ADCY5: variants seen among roughly 807,000 people sequenced by gnomAD.
ADCY5 encodes the protein adenylate cyclase 5.
A neutral mutation model predicts 119.7 loss-of-function variants in ADCY5; 30 were observed. That is an observed-to-expected ratio of 0.25 (90% CI 0.19 to 0.34). The LOEUF (loss-of-function observed/expected upper bound fraction) is 0.34, where lower values mean the gene tolerates loss of function less well. Ranked by LOEUF, ADCY5 falls within the 10% of genes least tolerant of loss-of-function variation. The pLI is 1.00. For synonymous variants in ADCY5, 753 were observed against 762.2 expected (o/e 0.99, Z 0.20); for missense variants, 1,324 against 1,775.2 (o/e 0.75, Z 4.57).
chr3:123,284,402 G>C lies in ADCY5; in HGVS notation c.*206C>G. The C allele has an allele frequency of 1.5e-6, 1 of 682,182 alleles. No homozygotes were observed. The highest frequency in any genetic ancestry group is 2.4e-6 in the Non-Finnish European group (1 of 416,990). 42.3% of individuals were successfully genotyped at this position (682,182 alleles called of 1,614,324 possible). ...GGGAAACATCTTTGGTCAGCTGGGT[G>C]CTCGCAGGACGCTGGCACCCCGGGG... On this transcript the variant is annotated 3_prime_UTR_variant, in exon 21 of 21. Coordinates refer to ENST00000462833, the MANE Select transcript of ADCY5 (RefSeq NM_183357.3).
chr3:123,425,372 A>T (rs766635720), intron 1 of ADCY5, among the ~76,000 whole-genome samples: 8 of 152,168 alleles, frequency 5.3e-5, no homozygotes, highest in Non-Finnish European at 1.2e-4. Flanking sequence ...TTGATGTCTC[A>T]GGTCTTCGCC....
chr3:123,425,626 G>T (rs1945390013), intron 1 of ADCY5, among the ~76,000 whole-genome samples: 1 of 152,176 alleles, frequency 6.6e-6, no homozygotes, highest in African/African-American at 2.4e-5. Context: ...CCCCAGAAGG[G>T]ATGCTGGTCA....
At chr3:123,330,178 C>T (rs1321628241) in intron 5 of ADCY5, among the ~76,000 whole-genome samples, 1 of 152,216 alleles carries the variant, frequency 6.6e-6, no homozygotes, top group Admixed American at 6.5e-5. Flanking sequence ...GCCAAACCAA[C>T]GGACCCGGCT....
At chr3:123,405,439 G>T (rs547727787) in intron 1 of ADCY5, among the ~76,000 whole-genome samples, 3 of 152,228 alleles carry the variant, frequency 2.0e-5, no homozygotes, top group Admixed American at 6.5e-5. Flanking sequence ...GCACAGAGAG[G>T]ACTGAACACC....
chr3:123,345,757 G>GACAC (rs1231817435), intron 3 of ADCY5, among the ~76,000 whole-genome samples: 1,136 of 60,992 alleles, frequency 0.019, 17 homozygotes, highest in East Asian at 0.079. Flanking sequence ...CAGACAGACA[G>GACAC]ACAGACAGAC....
rs755731708 is a variant in ADCY5 at position 123,447,941 on chromosome 3, A to C, written c.605T>G (p.Val202Gly). 1.6e-5 allele frequency: 25 copies of C among 1,572,240 alleles called. No individual in the cohort carries two copies. The highest frequency in any genetic ancestry group is 9.2e-5 in the South Asian group (8 of 86,736). Residue 202 changes from valine to glycine, a missense_variant, in exon 1 of 21, where the codon GTG becomes GGG. Physicochemically the swap from Val to Gly is moderately radical, Grantham distance 109. Around this residue, in one of 6 missense-constraint regions of ADCY5, gnomAD observed 585 missense variants for 569.9 expected, o/e 1.03. Coordinates refer to ENST00000462833, the MANE Select transcript of ADCY5 (RefSeq NM_183357.3). ...DSGSGAGPGA[V>G]LSLGACCLAL... is the part of the protein sequence containing the mutation. ...CAGGCAGCAGGCGCCCAGGGACAGC[A>C]CCGCGCCGGGCCCCGCGCCCGAGCC... is the stretch of plus-strand genomic sequence containing the variant.
chr3:123,377,855 G>A (rs1384090748), intron 1 of ADCY5, among the ~76,000 whole-genome samples: 3 of 151,026 alleles, frequency 2.0e-5, no homozygotes, highest in East Asian at 1.9e-4. Context: ...ACTTGAACCC[G>A]GGAGGCGGAG....
chr3:123,358,834 T>C (rs1247452079), intron 1 of ADCY5, among the ~76,000 whole-genome samples: 1 of 152,190 alleles, frequency 6.6e-6, no homozygotes, highest in Non-Finnish European at 1.5e-5. Flanking sequence ...GCAGGTTTGA[T>C]TTGAGCCAAG....
At chr3:123,304,417 C>A (rs776926005) in intron 12 of ADCY5, among the ~76,000 whole-genome samples, 1 of 152,082 alleles carries the variant, frequency 6.6e-6, no homozygotes, top group South Asian at 2.1e-4. Context: ...AGCGGGACTA[C>A]GTGGGGAACC....
At chr3:123,422,907 G>A (rs766769833) in intron 1 of ADCY5, among the ~76,000 whole-genome samples, 1 of 152,214 alleles carries the variant, frequency 6.6e-6, no homozygotes, top group Admixed American at 6.5e-5. Context: ...GATACCACCC[G>A]ATAGGAGCGA....
At chr3:123,440,224 C>T in intron 1 of ADCY5, among the ~76,000 whole-genome samples, 1 of 152,174 alleles carries the variant, frequency 6.6e-6, no homozygotes, top group South Asian at 2.1e-4. Context: ...CTCCAAAAGA[C>T]AAGGTGGGAC....
At chr3:123,414,900 A>G (rs1945149865) in intron 1 of ADCY5, among the ~76,000 whole-genome samples, 1 of 152,184 alleles carries the variant, frequency 6.6e-6, no homozygotes, top group Admixed American at 6.5e-5. Context: ...GGATCGACAG[A>G]TGAGGAAACT....
rs150649521 is a variant in ADCY5 at position 123,329,536 on chromosome 3, G to A, written c.1647-734C>T. 3.9e-5 allele frequency among the ~76,000 whole-genome samples: 6 copies of A among 152,320 alleles called. No individual in the cohort carries two copies. The East Asian group carries it at 1.2e-3, about 29-fold the overall frequency. On this transcript the variant is annotated intron_variant, in intron 5 of 20. Transcript: ENST00000462833. ...GCCATACATCTCCAGGTGCATGTCT[G>A]AGGCCCATGGGAACCTGCCCAGCAT...
intron 1 of ADCY5, among the ~76,000 whole-genome samples, chr3:123,415,269 G>A (rs929216390): frequency 6.6e-6 from 1 of 152,210 alleles, no homozygotes; most frequent in Admixed American, 6.5e-5. Context: ...GGGGACCAGG[G>A]GACAGGGTGG....
intron 8 of ADCY5, among the ~76,000 whole-genome samples, chr3:123,324,404 CCACACACACACACACACA>C (rs10522987): frequency 0.012 from 1,287 of 109,688 alleles, 14 homozygotes; most frequent in African/African-American, 0.017. Flanking sequence ...CACACAGAAA[CCACACACACACACACACA>C]CACACACACA....
chr3:123,423,690 G>C (rs537508888), intron 1 of ADCY5, among the ~76,000 whole-genome samples: 32 of 152,338 alleles, frequency 2.1e-4, no homozygotes, highest in African/African-American at 7.5e-4. Flanking sequence ...GGCCCCAGAG[G>C]ACAGGGCCCG....
chr3:123,287,408 TCTC>T (rs990834554), intron 19 of ADCY5, among the ~76,000 whole-genome samples: 2 of 152,184 alleles, frequency 1.3e-5, no homozygotes, highest in African/African-American at 2.4e-5. Context: ...AAGCGTTCTC[TCTC>T]CTCCTCCCCA....
intron 1 of ADCY5, among the ~76,000 whole-genome samples, chr3:123,379,964 T>C (rs1043958689): frequency 6.6e-6 from 1 of 152,066 alleles, no homozygotes; most frequent in South Asian, 2.1e-4. Flanking sequence ...GCAGATAAAA[T>C]ACAAAGGCAG....
At chr3:123,377,287 C>T (rs1054053434) in intron 1 of ADCY5, among the ~76,000 whole-genome samples, 1 of 152,208 alleles carries the variant, frequency 6.6e-6, no homozygotes, top group African/African-American at 2.4e-5. Flanking sequence ...TGTCATCTCA[C>T]ACCACTTCTT....
Sources: gnomAD v4.1 joint callset for allele counts (sites outside exome capture counted in the v4.1 genomes callset) on GRCh38, gnomAD v4.1.1 for gene constraint, gnomAD v4.1.1 regional missense constraint, MANE v1.5 for transcripts, NCBI Gene and HGNC (gene_info 2026-07-23, HGNC 2026-07-21) for gene names.